Variants in NEBL observed in about 807,000 individuals in gnomAD.
The protein encoded by NEBL is nebulette, also known as LIM and SH3 protein 2.
A neutral mutation model predicts 140.2 loss-of-function variants in NEBL; 122 were observed. The ratio of observed to expected loss-of-function variants is 0.87; its 90% CI spans 0.75 to 1.01. NEBL has a LOEUF of 1.01. Ranked by LOEUF, NEBL falls within the 50% of genes least tolerant of loss-of-function variation. NEBL has a pLI of 0.00. For missense variants in NEBL, 1,365 were observed against 1,231.3 expected, an observed-to-expected ratio of 1.11 and a Z score of -1.62; for synonymous variants, 436 against 398.9, an observed-to-expected ratio of 1.09 and a Z score of -1.11.
intron 2 of NEBL, among the ~76,000 whole-genome samples, chr10:21,097,551 A>C (rs753603131): frequency 2.0e-5 from 3 of 152,220 alleles, no homozygotes; most frequent in Non-Finnish European, 4.4e-5. Flanking sequence ...AGCATGGCTT[A>C]AATGAGTCAT....
At chr10:21,192,888 A>G (rs1253239895) in intron 3 of NEBL, among the ~76,000 whole-genome samples, 1 of 152,080 alleles carries the variant, frequency 6.6e-6, no homozygotes, top group Non-Finnish European at 1.5e-5. Context: ...CAGTCTAAAA[A>G]CAATGAAACA....
chr10:21,187,370 G>A (rs1841492656), intron 3 of NEBL, among the ~76,000 whole-genome samples: 1 of 152,114 alleles, frequency 6.6e-6, no homozygotes, highest in South Asian at 2.1e-4. Context: ...GGGGAAGCCT[G>A]AAATTGGGTA....
chr10:21,092,048 TGTC>T (rs1160593859), intron 2 of NEBL, among the ~76,000 whole-genome samples: 1 of 152,264 alleles, frequency 6.6e-6, no homozygotes, highest in Non-Finnish European at 1.5e-5. Flanking sequence ...ATTTTAGTTA[TGTC>T]GTATCTTACA....
At chr10:20,831,866 T>A (rs578257567) in intron 14 of NEBL, among the ~76,000 whole-genome samples, 2 of 152,294 alleles carry the variant, frequency 1.3e-5, no homozygotes, top group East Asian at 3.9e-4. Context: ...TATGATAAAC[T>A]TGATATATTA....
chr10:21,020,081 G>C, intron 3 of NEBL: 1 of 1,549,168 alleles, frequency 6.5e-7, no homozygotes, highest in South Asian at 1.1e-5. Context: ...AAAATCTTTA[G>C]GGCCAAGGGA....
At chr10:21,063,147 A>G (rs894309545) in intron 2 of NEBL, among the ~76,000 whole-genome samples, 1 of 152,120 alleles carries the variant, frequency 6.6e-6, no homozygotes, top group Non-Finnish European at 1.5e-5. Context: ...CTGAAAACAC[A>G]CACAGCAAGA....
chr10:21,084,835 C>G (rs745799005), intron 2 of NEBL, among the ~76,000 whole-genome samples: 7 of 152,162 alleles, frequency 4.6e-5, no homozygotes, highest in Non-Finnish European at 1.0e-4. Flanking sequence ...AACCCGGTTG[C>G]TGCCAAGACT....
chr10:20,952,255 G>A (rs1051905092), intron 4 of NEBL, among the ~76,000 whole-genome samples: 12 of 151,960 alleles, frequency 7.9e-5, no homozygotes, highest in Admixed American at 2.6e-4. Context: ...TGGCCAACAC[G>A]GTAAAACCCC....
In NEBL at chr10:20,781,022, A is replaced by C. The variant is rs756484927; in HGVS notation, c.*4725T>G. On this transcript the variant is annotated 3_prime_UTR_variant, in exon 28 of 28. Coordinates refer to ENST00000377122, the MANE Select transcript of NEBL (RefSeq NM_006393.3). The stretch of plus-strand genomic sequence containing the variant: ...CATTATGCAGGGGAAATAATGTCTT[A>C]TTACACATTAACTGCGACATCCACT... The C allele has an allele frequency of 1.3e-5, 2 of 152,376 alleles. No individual in the cohort carries two copies. The highest frequency in any genetic ancestry group is 2.9e-5 in the Non-Finnish European group (2 of 68,036). 9.4% of individuals were successfully genotyped at this position (152,376 alleles called of 1,614,324 possible).
At chr10:20,842,171 C>T (rs745435325) in intron 12 of NEBL, among the ~76,000 whole-genome samples, 60 of 151,964 alleles carry the variant, frequency 3.9e-4, no homozygotes, top group African/African-American at 4.6e-4. Context: ...TTAAATTAGC[C>T]TGTCCTCTGC....
intron 3 of NEBL, among the ~76,000 whole-genome samples, chr10:21,014,610 G>A (rs1164239885): frequency 6.6e-6 from 1 of 152,166 alleles, no homozygotes; most frequent in East Asian, 1.9e-4. Flanking sequence ...CCCTGAGAAA[G>A]GTTCTGCTTT....
chr10:21,037,982 C>T (rs1283952423), intron 2 of NEBL, among the ~76,000 whole-genome samples: 3 of 152,084 alleles, frequency 2.0e-5, no homozygotes, highest in African/African-American at 7.2e-5. Context: ...ATAAGACATA[C>T]CCTAGGGAGA....
chr10:21,271,988 C>T (rs969797624), intron 1 of NEBL, among the ~76,000 whole-genome samples: 2 of 151,778 alleles, frequency 1.3e-5, no homozygotes, highest in Non-Finnish European at 2.9e-5. Flanking sequence ...GATGGAGTCT[C>T]ACTCTGTCAC....
At chr10:20,860,471 C>A (rs1843566161) in intron 7 of NEBL, among the ~76,000 whole-genome samples, 1 of 138,620 alleles carries the variant, frequency 7.2e-6, no homozygotes, top group Admixed American at 8.0e-5. Context: ...GGATTATCAA[C>A]TTATTTGGTA....
exon 1 of NEBL, chr10:21,174,001 G>A (rs534206817): frequency 8.3e-7 from 1 of 1,199,184 alleles, no homozygotes; most frequent in Non-Finnish European, 1.0e-6. Context: ...CGGGGAGGGC[G>A]ACGGGGCCTG....
intron 3 of NEBL, among the ~76,000 whole-genome samples, chr10:21,009,155 A>G (rs1282365669): frequency 6.6e-6 from 1 of 152,218 alleles, no homozygotes; most frequent in Admixed American, 6.5e-5. Context: ...TAAGCATTAA[A>G]GCCATTCTAG....
intron 2 of NEBL, among the ~76,000 whole-genome samples, chr10:21,085,961 AT>A (rs1387804766): frequency 2.0e-5 from 3 of 151,970 alleles, no homozygotes; most frequent in African/African-American, 7.2e-5. Flanking sequence ...TTCATTTGGG[AT>A]TTTCTTAAAA....
At chr10:21,117,064 G>C (rs600402) in intron 2 of NEBL, among the ~76,000 whole-genome samples, 32,717 of 151,834 alleles carry the variant, frequency 0.22, 3,715 homozygotes, top group East Asian at 0.35. Flanking sequence ...TGCTGAGCTT[G>C]AGCTGGGTGC....
rs369876097 is a variant in NEBL at position 20,808,685 on chromosome 10, C to T, written c.2612-26G>A. Reference sequence around the variant, plus strand: ...CTATATTGGAGGGAAAATATTTACACGTGTGATTAAGTGACTCGAAAAACA... The same window carrying T: ...CTATATTGGAGGGAAAATATTTACATGTGTGATTAAGTGACTCGAAAAACA... On this transcript the variant is annotated intron_variant, in intron 25 of 27. Transcript: ENST00000377122. The T allele has an allele frequency of 1.2e-4, 196 of 1,605,056 alleles. 2 individuals are homozygous for T. In the South Asian group the frequency reaches 1.8e-3, roughly 14 times the overall value.
Sources: gnomAD v4.1 joint callset for allele counts (sites outside exome capture counted in the v4.1 genomes callset) on GRCh38, gnomAD v4.1.1 for gene constraint, MANE v1.5 for transcripts, NCBI Gene and HGNC (gene_info 2026-07-23, HGNC 2026-07-21) for gene names.